SGCZ: variants seen among roughly 807,000 people sequenced by gnomAD.
The protein encoded by SGCZ is zeta-sarcoglycan.
Under a neutral mutation model 41.3 loss-of-function variants are expected in SGCZ, and 40 were observed. The ratio of observed to expected loss-of-function variants is 0.97; its 90% confidence interval spans 0.75 to 1.26. SGCZ has a LOEUF of 1.26. Among genes scored for constraint, SGCZ ranks in the 50% most tolerant of loss-of-function variants. The pLI is 0.00. For missense variants in SGCZ, 552 were observed against 369.8 expected, an observed-to-expected ratio of 1.49 and a Z score of -4.04; for synonymous variants, 206 against 137.5, an observed-to-expected ratio of 1.50 and a Z score of -3.49.
At chr8:14,392,034 G>C (rs1804794754) in intron 2 of SGCZ, among the ~76,000 whole-genome samples, 1 of 152,084 alleles carries the variant, frequency 6.6e-6, no homozygotes, top group African/African-American at 2.4e-5. Flanking sequence ...CATGAGATTT[G>C]AGTATGGACA....
chr8:14,776,435 C>T (rs1313655779), intron 1 of SGCZ, among the ~76,000 whole-genome samples: 1 of 152,034 alleles, frequency 6.6e-6, no homozygotes, highest in East Asian at 1.9e-4. Flanking sequence ...TCCATTAAAC[C>T]TGTTTCCTTT....
intron 5 of SGCZ, among the ~76,000 whole-genome samples, chr8:14,140,831 C>T (rs1196882398): frequency 1.3e-5 from 2 of 152,090 alleles, no homozygotes; most frequent in African/African-American, 4.8e-5. Context: ...CTTTAAAATT[C>T]ATATGGAACC....
intron 3 of SGCZ, among the ~76,000 whole-genome samples, chr8:14,292,648 G>C (rs1800880854): frequency 1.3e-5 from 2 of 151,944 alleles, no homozygotes; most frequent in African/African-American, 4.8e-5. Flanking sequence ...TGTTGCTGGA[G>C]ACTATTCAAA....
intron 2 of SGCZ, among the ~76,000 whole-genome samples, chr8:14,496,949 G>A (rs1420086195): frequency 6.6e-6 from 1 of 151,894 alleles, no homozygotes; most frequent in Non-Finnish European, 1.5e-5. Context: ...GGTTCTTTTA[G>A]GTTGTTTATT....
At chr8:14,295,380 C>T (rs908276117) in intron 3 of SGCZ, among the ~76,000 whole-genome samples, 13 of 152,062 alleles carry the variant, frequency 8.5e-5, no homozygotes, top group Non-Finnish European at 1.6e-4. Flanking sequence ...ATTCTGGACA[C>T]GGTGTTGTCA....
intron 1 of SGCZ, among the ~76,000 whole-genome samples, chr8:14,894,785 T>G (rs1250331368): frequency 6.6e-6 from 1 of 152,100 alleles, no homozygotes; most frequent in Non-Finnish European, 1.5e-5. Flanking sequence ...AATAAATAAA[T>G]GAATATAAAA....
At chr8:14,166,903 A>C (rs73524146) in intron 4 of SGCZ, among the ~76,000 whole-genome samples, 1,973 of 152,254 alleles carry the variant, frequency 0.013, 56 homozygotes, top group African/African-American at 0.046. Context: ...CATAGATGAG[A>C]TGCATCTAAG....
At chr8:14,656,309 C>A (rs77872389) in intron 1 of SGCZ, among the ~76,000 whole-genome samples, 2,914 of 151,822 alleles carry the variant, frequency 0.019, 101 homozygotes, top group African/African-American at 0.065. Flanking sequence ...AGATTTGTTA[C>A]AGCCCTCCTT....
At position 14,355,564 on chromosome 8, in the gene SGCZ, GTA is replaced by G. The variant is rs1439734550; in HGVS notation, c.235-31362_235-31361del. On this transcript the variant is annotated intron_variant, in intron 2 of 7. Coordinates refer to ENST00000382080, the MANE Select transcript of SGCZ (RefSeq NM_139167.4). Reference sequence around the variant, plus strand: ...TTAATTTGTAAAACTCAATAATAACGTATATGCTCATTCTGCTTGACAGAGTT... The same window carrying G: ...TTAATTTGTAAAACTCAATAATAACGTATGCTCATTCTGCTTGACAGAGTT... Among the ~76,000 whole-genome samples, 4 of 151,678 alleles carry G rather than the reference GTA, an allele frequency of 2.6e-5. No homozygotes were observed. The East Asian group carries it at 7.7e-4, about 29-fold the overall frequency.
chr8:14,571,868 A>G (rs1471857541), intron 1 of SGCZ, among the ~76,000 whole-genome samples: 1 of 152,202 alleles, frequency 6.6e-6, no homozygotes, highest in Non-Finnish European at 1.5e-5. Context: ...TAAAGTACCA[A>G]CAGCCAATGC....
intron 1 of SGCZ, among the ~76,000 whole-genome samples, chr8:15,035,891 G>A (rs1478324568): frequency 6.6e-6 from 1 of 151,962 alleles, no homozygotes; most frequent in Non-Finnish European, 1.5e-5. Context: ...AACAGCATGA[G>A]AACTTTAATA....
At chr8:14,440,706 TATATACATAC>T (rs1318988790) in intron 2 of SGCZ, among the ~76,000 whole-genome samples, 2 of 128,124 alleles carry the variant, frequency 1.6e-5, no homozygotes, top group Non-Finnish European at 3.4e-5. Flanking sequence ...TGTATATATG[TATATACATAC>T]GTATACACGT....
chr8:14,848,076 T>C (rs993438231), intron 1 of SGCZ, among the ~76,000 whole-genome samples: 2 of 152,134 alleles, frequency 1.3e-5, no homozygotes, highest in Admixed American at 6.6e-5. Flanking sequence ...TGTATTTCCA[T>C]ACTAGCAAAC....
intron 5 of SGCZ, among the ~76,000 whole-genome samples, chr8:14,112,989 T>G (rs886181536): frequency 2.6e-5 from 4 of 152,206 alleles, no homozygotes; most frequent in South Asian, 4.1e-4. Context: ...ACTGAAAAAT[T>G]TATTACCTCT....
At chr8:14,760,627 A>C (rs1799835407) in intron 1 of SGCZ, among the ~76,000 whole-genome samples, 1 of 152,226 alleles carries the variant, frequency 6.6e-6, no homozygotes, top group Non-Finnish European at 1.5e-5. Flanking sequence ...GAATCATTAA[A>C]AATTTACCTC....
At chr8:14,980,126 G>C (rs1801612534) in intron 1 of SGCZ, among the ~76,000 whole-genome samples, 1 of 152,176 alleles carries the variant, frequency 6.6e-6, no homozygotes, top group African/African-American at 2.4e-5. Context: ...CTGGTGGCAA[G>C]ACATGGCCAT....
chr8:14,139,310 C>T (rs1045577843), intron 5 of SGCZ, among the ~76,000 whole-genome samples: 1 of 151,902 alleles, frequency 6.6e-6, no homozygotes, highest in Non-Finnish European at 1.5e-5. Flanking sequence ...AAACACATTC[C>T]AAAGCTAGCA....
At chr8:15,116,523 T>C (rs1807275624) in intron 1 of SGCZ, among the ~76,000 whole-genome samples, 1 of 152,238 alleles carries the variant, frequency 6.6e-6, no homozygotes, top group Non-Finnish European at 1.5e-5. Flanking sequence ...AAAGGTCTTT[T>C]AGCTGGGTGA....
chr8:14,853,475 C>T, intron 1 of SGCZ: 1 of 533,002 alleles, frequency 1.9e-6, no homozygotes, highest in Non-Finnish European at 3.8e-6. Flanking sequence ...TGATTAATAT[C>T]CACCCAAAGC....
Sources: allele counts gnomAD v4.1 joint callset (sites outside exome capture counted in the v4.1 genomes callset), GRCh38; gene constraint gnomAD v4.1.1; transcripts MANE v1.5; gene names NCBI Gene and HGNC (gene_info 2026-07-23, HGNC 2026-07-21).